AP1G1: variants seen among roughly 807,000 people sequenced by gnomAD.
AP1G1 encodes the protein AP-1 complex subunit gamma-1.
A neutral mutation model predicts 108.3 loss-of-function variants in AP1G1; 7 were observed. The ratio of observed to expected loss-of-function variants is 0.06; its 90% CI spans 0.04 to 0.12. The LOEUF is 0.12. AP1G1 is among the 10% of genes least tolerant of loss of function. The probability of loss-of-function intolerance (pLI) is 1.00; values close to 1 mark genes in which losing one functional copy is unlikely to be tolerated. For synonymous variants in AP1G1, 379 were observed against 353.5 expected (o/e 1.07, Z -0.81); for missense variants, 756 against 1,010.7 (o/e 0.75, Z 3.42).
chr16:71,795,324 C>T (rs960952966), intron 1 of AP1G1, among the ~76,000 whole-genome samples: 3 of 152,306 alleles, frequency 2.0e-5, no homozygotes, highest in Middle Eastern at 3.4e-3. Context: ...ATTAAAATCA[C>T]CTATTTTTCT....
chr16:71,781,802 A>G (rs948055050), intron 2 of AP1G1, among the ~76,000 whole-genome samples: 2 of 152,222 alleles, frequency 1.3e-5, no homozygotes, highest in Non-Finnish European at 2.9e-5. Context: ...ACTCTTATAC[A>G]TACATGTCTT....
intron 19 of AP1G1, among the ~76,000 whole-genome samples, chr16:71,741,378 T>C (rs986212587): frequency 2.0e-5 from 3 of 150,882 alleles, no homozygotes; most frequent in Non-Finnish European, 4.4e-5. Context: ...AGGTCAGGAG[T>C]TTGAGACCAG....
intron 1 of AP1G1, among the ~76,000 whole-genome samples, chr16:71,807,325 G>A (rs2033029330): frequency 1.3e-5 from 2 of 152,220 alleles, no homozygotes; most frequent in Non-Finnish European, 2.9e-5. Flanking sequence ...CCAGCTACTT[G>A]GGAGGCTGAG....
intron 1 of AP1G1, among the ~76,000 whole-genome samples, chr16:71,791,231 A>C (rs1396507970): frequency 1.3e-5 from 2 of 150,892 alleles, no homozygotes; most frequent in East Asian, 1.9e-4. Flanking sequence ...AAAACAAAAA[A>C]AAAAAACAAA....
rs775294073 is a variant in AP1G1 at position 71,764,699 on chromosome 16, A to C, written c.766T>G (p.Leu256Val). The part of the protein sequence containing the change: ...QVRILRLLRI[L>V]GRNDDDSSEA... ...CTTGAATCATCATCATTTCGTCCTAAAATTCTTAATAACCGCAAAATTCGT... is the reference window on the plus strand; with the variant it reads ...CTTGAATCATCATCATTTCGTCCTACAATTCTTAATAACCGCAAAATTCGT... The change falls in exon 8 of 23, where the codon TTA becomes GTA. Residue 256 changes from leucine to valine, a missense_variant. Physicochemically the swap from Leu to Val is conservative, Grantham distance 32. Transcript: ENST00000299980. The C allele has an allele frequency of 1.9e-6, 3 of 1,611,902 alleles. No individual in the cohort carries two copies. Among genetic ancestry groups the C allele is most frequent in the South Asian group, 1.1e-5 (1 of 90,402 alleles).
chr16:71,767,052 T>A (rs970528248), intron 6 of AP1G1, among the ~76,000 whole-genome samples: 2 of 152,236 alleles, frequency 1.3e-5, no homozygotes, highest in African/African-American at 4.8e-5. Flanking sequence ...TACTTCCCAA[T>A]GGTCTGTTTT....
chr16:71,758,536 T>TA, intron 11 of AP1G1: 1 of 584,432 alleles, frequency 1.7e-6, no homozygotes, highest in South Asian at 1.4e-5. Flanking sequence ...TATCTGTGCC[T>TA]GTTGTATTTA....
rs2031548230 is a variant in AP1G1, at chr16:71,771,033, T to G, written c.565+123A>C. 7.9e-6 allele frequency: 4 copies of G among 504,112 alleles called. No individual in the cohort carries two copies. In the Admixed American group the frequency reaches 1.5e-4, roughly 20 times the overall value. The allele number at this position is 504,112 out of a possible 1,614,324, so 31.2% of individuals were successfully genotyped here. A position where few individuals can be genotyped will look rare whatever the true frequency, so the allele number is the denominator to read the frequency against. ...GTCAGACCAGACCTTCCTGGAAAAG[T>G]GTCTAAGGCACAGCAGAAACGCGAC... On this transcript the variant is annotated intron_variant, in intron 5 of 22. Transcript: ENST00000299980.
At chr16:71,773,033 T>G in intron 4 of AP1G1, 188 bp downstream of exon 4, 1 of 734,156 alleles carries the variant, frequency 1.4e-6, no homozygotes, top group East Asian at 2.8e-5. Context: ...CAGTAACATT[T>G]GTTTGTTTAT....
At chr16:71,808,537 G>A (rs769166632) in intron 1 of AP1G1, 6 of 1,284,014 alleles carry the variant, frequency 4.7e-6, no homozygotes, top group Non-Finnish European at 3.0e-6. Context: ...GGAACGCCGC[G>A]GCGCGCGGAA....
At chr16:71,803,733 T>G (rs945992689) in intron 1 of AP1G1, among the ~76,000 whole-genome samples, 4 of 152,254 alleles carry the variant, frequency 2.6e-5, no homozygotes, top group Non-Finnish European at 5.9e-5. Flanking sequence ...AAGATCAGCC[T>G]GGTCAACAGG....
chr16:71,733,294 A>G (rs756697381), intron 22 of AP1G1, 135 bp from the exon 23 acceptor site: 23 of 655,614 alleles, frequency 3.5e-5, no homozygotes, highest in Non-Finnish European at 5.4e-5. Flanking sequence ...ACAGGTAAAC[A>G]ACAACAAAAA....
Position 71,794,866 on chromosome 16 carries a change from C to CTTTTTTTTTTTTTT in AP1G1, c.-3-5385_-3-5384insAAAAAAAAAAAAAA, listed in dbSNP as rs2032528877. On this transcript the variant is annotated intron_variant, in intron 1 of 22. Coordinates refer to ENST00000299980, the MANE Select transcript of AP1G1 (RefSeq NM_001128.6). ...TTTTTTTTTTTTTTTTTTTTTTTTA[C>CTTTTTTTTTTTTTT]TTTGAAATGCCTATTTTTCCCACTA... Among the ~76,000 whole-genome samples, 417 of 46,518 alleles carry CTTTTTTTTTTTTTT rather than the reference C, an allele frequency of 9.0e-3. 1 individual carries two copies. Among genetic ancestry groups the CTTTTTTTTTTTTTT allele is most frequent in the Middle Eastern group, 0.027 (2 of 74 alleles). 30.5% of individuals were successfully genotyped at this position (46,518 alleles called of 152,430 possible). A position where few individuals can be genotyped will look rare whatever the true frequency, so the allele number is the denominator to read the frequency against.
intron 9 of AP1G1, among the ~76,000 whole-genome samples, chr16:71,761,949 G>T (rs1475272709): frequency 6.6e-6 from 1 of 151,920 alleles, no homozygotes; most frequent in Non-Finnish European, 1.5e-5. Context: ...TATTAGTACA[G>T]CCTCTTTAGA....
chr16:71,801,614 T>C (rs555767050), intron 1 of AP1G1, among the ~76,000 whole-genome samples: 51 of 152,098 alleles, frequency 3.4e-4, no homozygotes, highest in African/African-American at 1.2e-3. Context: ...TTTTGATTGT[T>C]GACATGATGC....
intron 2 of AP1G1, among the ~76,000 whole-genome samples, chr16:71,783,721 A>T (rs1368493543): frequency 6.6e-6 from 1 of 152,208 alleles, no homozygotes; most frequent in Non-Finnish European, 1.5e-5. Context: ...CCAGCCTAAA[A>T]GCAGCACACT....
intron 21 of AP1G1, among the ~76,000 whole-genome samples, chr16:71,736,752 ATTTTT>A (rs10590605): frequency 8.1e-6 from 1 of 123,942 alleles, no homozygotes. Flanking sequence ...CGCCCGGCTA[ATTTTT>A]TTTTTTTTTT....
At chr16:71,799,851 A>G (rs1449493883) in intron 1 of AP1G1, among the ~76,000 whole-genome samples, 4 of 151,536 alleles carry the variant, frequency 2.6e-5, no homozygotes, top group Non-Finnish European at 5.9e-5. Flanking sequence ...GTGAGCCGAG[A>G]CTGCGCCACT....
At chr16:71,802,753 A>G (rs1233827745) in intron 1 of AP1G1, among the ~76,000 whole-genome samples, 4 of 150,862 alleles carry the variant, frequency 2.7e-5, no homozygotes, top group African/African-American at 4.9e-5. Context: ...GTACAGCCAG[A>G]GTCCCACTGT....
Sources: gnomAD v4.1 joint callset for allele counts (sites outside exome capture counted in the v4.1 genomes callset) on GRCh38, gnomAD v4.1.1 for gene constraint, MANE v1.5 for transcripts, NCBI Gene and HGNC (gene_info 2026-07-23, HGNC 2026-07-21) for gene names.